The following DNAJC11 variants were observed in gnomAD, a reference collection of about 807,000 sequenced individuals.
The protein encoded by DNAJC11 is dnaJ homolog subfamily C member 11.
DNAJC11 carries 15 observed loss-of-function variants against 78.6 expected under a neutral mutation model. The observed-to-expected ratio is 0.19, with a 90% confidence interval of 0.13 to 0.29. The LOEUF is 0.29. Among genes scored for constraint, DNAJC11 ranks in the 10% least tolerant of loss-of-function variants. The pLI, the probability that DNAJC11 is intolerant of heterozygous loss-of-function variation, is 1.00. For missense variants in DNAJC11, 547 were observed against 709.6 expected (o/e 0.77, Z 2.60); for synonymous variants, 292 against 272.1 (o/e 1.07, Z -0.72).
At chr1:6,675,995 T>C (rs566193539) in intron 3 of DNAJC11, among the ~76,000 whole-genome samples, 2 of 152,266 alleles carry the variant, frequency 1.3e-5, no homozygotes, top group African/African-American at 4.8e-5. Flanking sequence ...AAGGAGTGTA[T>C]AAAGAGTGAC....
Position 6,644,630 on chromosome 1 carries a change from T to G in DNAJC11, c.1025A>C (p.Lys342Thr). The G allele has an allele frequency of 3.7e-6, 6 of 1,614,176 alleles. No individual in the cohort carries two copies. The highest frequency in any genetic ancestry group is 5.1e-6 in the Non-Finnish European group (6 of 1,180,020). The change falls in exon 10 of 16, where the codon AAG (lysine) becomes ACG (threonine). Residue 342 changes from lysine (K) to threonine (T), a missense_variant. Transcript: ENST00000377577. ...ACCCAAAACGCTGTGCCTGGAGATC[T>G]TCCTCTCAGCTCCGTACTCCACCAC... ...GTVVEYGAER[K>T]ISRHSVLGAA...
At chr1:6,691,789 C>T (rs1053696208) in intron 1 of DNAJC11, among the ~76,000 whole-genome samples, 1 of 152,244 alleles carries the variant, frequency 6.6e-6, no homozygotes, top group Non-Finnish European at 1.5e-5. Flanking sequence ...CCACTCCAAG[C>T]TGCAAGCTCC....
At chr1:6,640,532 A>C (rs1200161672) in intron 10 of DNAJC11, among the ~76,000 whole-genome samples, 1 of 152,188 alleles carries the variant, frequency 6.6e-6, no homozygotes, top group Non-Finnish European at 1.5e-5. Context: ...TAAACTCTGG[A>C]CCACATATAA....
At position 6,640,591 on chromosome 1, in the gene DNAJC11, G is replaced by A. The variant is rs554106602; in HGVS notation, c.1098-534C>T. The stretch of plus-strand genomic sequence containing the variant: ...TCACGCCTGTAATCCCAGTACTTTG[G>A]GAGGCTGAGGTGGGCGAATCACCTG... On this transcript the variant is annotated intron_variant, in intron 10 of 15. Coordinates refer to ENST00000377577, the MANE Select transcript of DNAJC11 (RefSeq NM_018198.4). 2.0e-5 allele frequency among the ~76,000 whole-genome samples: 3 copies of A among 152,286 alleles called. No individual in the cohort carries two copies. The South Asian group carries it at 6.2e-4, about 32-fold the overall frequency.
intron 1 of DNAJC11, among the ~76,000 whole-genome samples, chr1:6,685,109 C>T (rs576197243): frequency 1.9e-4 from 29 of 152,186 alleles, no homozygotes; most frequent in Admixed American, 1.2e-3. Flanking sequence ...CCTGACTCTA[C>T]AAAAAAATTT....
At position 6,680,245 on chromosome 1, in the gene DNAJC11, C is replaced by T. The variant is rs950036512; in HGVS notation, c.202+663G>A. On this transcript the variant is annotated intron_variant, in intron 2 of 15. Coordinates refer to ENST00000377577, the MANE Select transcript of DNAJC11 (RefSeq NM_018198.4). The surrounding 1 kb of genome is among the most constrained non-coding windows in gnomAD (Gnocchi z 4.0). ...TACATATAATATTTACCATTTTAACCATTTTAAAGTATACAATTCAATAGC... is the reference window on the plus strand; with the variant it reads ...TACATATAATATTTACCATTTTAACTATTTTAAAGTATACAATTCAATAGC... Among the ~76,000 whole-genome samples, 6 of 151,894 alleles carry T rather than the reference C, an allele frequency of 4.0e-5. No homozygotes were observed. The highest frequency in any genetic ancestry group is 1.3e-4 in the Admixed American group (2 of 15,258).
intron 4 of DNAJC11, 31 bp downstream of exon 4, chr1:6,667,678 G>A: frequency 6.3e-7 from 1 of 1,578,524 alleles, no homozygotes; most frequent in Non-Finnish European, 8.7e-7. Context: ...TTTTCATGAA[G>A]TGTCCTCATG....
chr1:6,649,030 T>G (rs1642012033), intron 7 of DNAJC11, among the ~76,000 whole-genome samples: 1 of 151,648 alleles, frequency 6.6e-6, no homozygotes, highest in Non-Finnish European at 1.5e-5. Flanking sequence ...TCTTGCTCTG[T>G]CGCCTAGGCT....
intron 4 of DNAJC11, among the ~76,000 whole-genome samples, chr1:6,665,010 G>A (rs1642273481): frequency 6.6e-6 from 1 of 152,204 alleles, no homozygotes; most frequent in African/African-American, 2.4e-5. Context: ...AAACCCCTCT[G>A]AGCTGAGGTC....
At chr1:6,681,108 T>C (rs1281144613) in intron 1 of DNAJC11, 71 bp from the exon 2 acceptor site, 1 of 1,506,376 alleles carries the variant, frequency 6.6e-7, no homozygotes, top group Non-Finnish European at 9.0e-7. Context: ...GAATCAGCCT[T>C]GAAATGGGAA....
intron 1 of DNAJC11, among the ~76,000 whole-genome samples, chr1:6,699,719 G>A (rs1431723120): frequency 1.3e-5 from 2 of 151,890 alleles, no homozygotes; most frequent in African/African-American, 4.8e-5. Context: ...AAACCTGCAC[G>A]TTCTGCACAT....
rs139166688 is a variant in DNAJC11 at position 6,636,167 on chromosome 1, A to G, written c.1604T>C (p.Leu535Pro). ...LKVLYQFRGV[L>P]HQVMVLDSEA... The stretch of plus-strand genomic sequence containing the variant: ...ACTGTCCAGCACCATCACCTGATGC[A>G]GGACGCCCCGGAACTGATAGAGCAC... The change falls in exon 15 of 16, where the codon CTG becomes CCG. Residue 535 changes from leucine to proline, a missense_variant. By Grantham distance (98) the Leu-to-Pro change is moderately conservative. Transcript: ENST00000377577. The G allele has an allele frequency of 1.9e-6, 3 of 1,614,074 alleles. No homozygotes were observed. In the African/African-American group the frequency reaches 4.0e-5, roughly 22 times the overall value.
At position 6,645,935 on chromosome 1, in the gene DNAJC11, T is replaced by A; in HGVS notation, c.748A>T (p.Ile250Phe). The A allele has an allele frequency of 6.2e-7, 1 of 1,614,154 alleles. No individual in the cohort carries two copies. Among genetic ancestry groups the A allele is most frequent in the East Asian group, 2.2e-5 (1 of 44,882 alleles). ...NCALQFSSRG[I>F]RPGLTTVLAR... ...AGGACAGTGGTCAGGCCGGGTCGGA[T>A]TCCACGGGATGAAAACTGCAGAGCA... The change falls in exon 8 of 16, where the codon ATC becomes TTC. Residue 250 changes from isoleucine to phenylalanine, a missense_variant. Coordinates refer to ENST00000377577, the MANE Select transcript of DNAJC11 (RefSeq NM_018198.4). The surrounding 1 kb of genome is among the most constrained non-coding windows in gnomAD (Gnocchi z 4.1).
chr1:6,701,582 G>T, intron 1 of DNAJC11, 147 bp downstream of exon 1: 1 of 745,766 alleles, frequency 1.3e-6, no homozygotes, highest in Non-Finnish European at 2.0e-6. Context: ...TCCATCGGGC[G>T]GCTGGCGTGC....
chr1:6,675,325 C>T (rs1350815066), intron 3 of DNAJC11, among the ~76,000 whole-genome samples: 1 of 149,536 alleles, frequency 6.7e-6, no homozygotes, highest in Admixed American at 6.7e-5. Context: ...TCTATGAGAA[C>T]CTGACTTCCT....
intron 12 of DNAJC11, chr1:6,638,006 A>G (rs1557463922): frequency 5.0e-6 from 2 of 400,900 alleles, no homozygotes. Context: ...TGCTCGCCAC[A>G]TACCCAGGAA....
At chr1:6,656,121 A>T (rs1323903751) in intron 4 of DNAJC11, among the ~76,000 whole-genome samples, 1 of 151,546 alleles carries the variant, frequency 6.6e-6, no homozygotes, top group Non-Finnish European at 1.5e-5. Flanking sequence ...AAAAAAAAAA[A>T]ATTACAATCA....
chr1:6,667,981 C>T, intron 3 of DNAJC11, 171 bp from the exon 4 acceptor site: 1 of 637,030 alleles, frequency 1.6e-6, no homozygotes, highest in Non-Finnish European at 2.8e-6. Flanking sequence ...ATGGCTCAGG[C>T]CTGGGTGAGG....
chr1:6,641,393 ATAT>A (rs1641874534), intron 10 of DNAJC11, among the ~76,000 whole-genome samples: 2 of 133,316 alleles, frequency 1.5e-5, no homozygotes, highest in African/African-American at 6.6e-5. Flanking sequence ...AAAAAAAAAT[ATAT>A]ATATATATAT....
Sources: allele counts gnomAD v4.1 joint callset (sites outside exome capture counted in the v4.1 genomes callset), GRCh38; gene constraint gnomAD v4.1.1; non-coding constraint Gnocchi (gnomAD v3.1); transcripts MANE v1.5; gene names NCBI Gene and HGNC (gene_info 2026-07-23, HGNC 2026-07-21).